ARSG: variants seen among roughly 807,000 people sequenced by gnomAD.
The protein encoded by ARSG is arylsulfatase G.
In ARSG, 37 loss-of-function variants were observed where a neutral mutation model predicts 50.5. The ratio of observed to expected loss-of-function variants is 0.73; its 90% CI spans 0.56 to 0.96. ARSG has a LOEUF of 0.96. ARSG is among the 50% of genes least tolerant of loss of function. ARSG has a pLI of 0.00. For synonymous variants in ARSG, 225 were observed against 254.6 expected, an observed-to-expected ratio of 0.88 and a Z score of 1.11; for missense variants, 629 against 675.3, an observed-to-expected ratio of 0.93 and a Z score of 0.76.
At chr17:68,265,101 C>CCAAGGTT (rs2075130700) in intron 1 of ARSG, among the ~76,000 whole-genome samples, 1 of 144,936 alleles carries the variant, frequency 6.9e-6, no homozygotes, top group South Asian at 2.2e-4. Flanking sequence ...TTGCAGTGAG[C>CCAAGGTT]GGAGATCACG....
chr17:68,344,819 G>A (rs1237849940), intron 3 of ARSG, among the ~76,000 whole-genome samples: 1 of 152,246 alleles, frequency 6.6e-6, no homozygotes, highest in Non-Finnish European at 1.5e-5. Context: ...GCAACCACAA[G>A]CGGGTGGCCC....
At chr17:68,342,236 C>T (rs2078300758) in intron 2 of ARSG, among the ~76,000 whole-genome samples, 1 of 151,936 alleles carries the variant, frequency 6.6e-6, no homozygotes, top group Non-Finnish European at 1.5e-5. Flanking sequence ...TTCCTATGGG[C>T]ATCTGTTCAC....
intron 1 of ARSG, chr17:68,270,781 C>A: frequency 7.0e-7 from 1 of 1,424,704 alleles, no homozygotes; most frequent in Non-Finnish European, 9.5e-7. Flanking sequence ...GAACAGGAAG[C>A]TAGCACAATT....
chr17:68,445,825 C>G, the ARSG span, among the ~76,000 whole-genome samples: 1 of 152,260 alleles, frequency 6.6e-6, no homozygotes, highest in Non-Finnish European at 1.5e-5. Flanking sequence ...ACCACCCCTG[C>G]ACATGCCTGA....
intron 11 of ARSG, among the ~76,000 whole-genome samples, chr17:68,402,785 A>C (rs529972552): frequency 2.0e-5 from 3 of 152,298 alleles, no homozygotes; most frequent in Non-Finnish European, 2.9e-5. Context: ...TCGGCCTCCC[A>C]AAGTGCTGGG....
chr17:68,437,003 A>T, the ARSG span, among the ~76,000 whole-genome samples: 33 of 60,398 alleles, frequency 5.5e-4, no homozygotes, highest in Admixed American at 3.7e-3. Flanking sequence ...CAAAAAAAAA[A>T]AAATATATAT....
At chr17:68,450,847 C>A in the ARSG span, 1 of 1,614,140 alleles carries the variant, frequency 6.2e-7, no homozygotes, top group Non-Finnish European at 8.5e-7. Context: ...ACTACCACCA[C>A]CAGGCTGCTG....
intron 3 of ARSG, 22 bp downstream of exon 3, chr17:68,343,813 C>G: frequency 6.3e-7 from 1 of 1,589,100 alleles, no homozygotes; most frequent in Non-Finnish European, 8.6e-7. Flanking sequence ...CCCCGTCTGC[C>G]TGTTGCATTT....
At chr17:68,406,302 G>A (rs2081715847) in intron 11 of ARSG, among the ~76,000 whole-genome samples, 1 of 152,110 alleles carries the variant, frequency 6.6e-6, no homozygotes, top group African/African-American at 2.4e-5. Flanking sequence ...ATGGACATTT[G>A]GGCTGGTTCC....
intron 7 of ARSG, among the ~76,000 whole-genome samples, chr17:68,369,920 G>A (rs2079741451): frequency 6.6e-6 from 1 of 152,206 alleles, no homozygotes; most frequent in Admixed American, 6.5e-5. Context: ...GGTTGGGGCA[G>A]GAAAAGGCCA....
intron 1 of ARSG, among the ~76,000 whole-genome samples, chr17:68,305,562 T>G (rs2076575220): frequency 6.6e-6 from 1 of 152,182 alleles, no homozygotes. Context: ...GAACATGTCT[T>G]TAGATTTTCT....
chr17:68,335,854 C>G (rs951847567), intron 2 of ARSG, among the ~76,000 whole-genome samples: 1 of 152,170 alleles, frequency 6.6e-6, no homozygotes, highest in African/African-American at 2.4e-5. Context: ...GTGCAGGCAT[C>G]GGGGCAGCAG....
upstream of ARSG, among the ~76,000 whole-genome samples, chr17:68,288,090 G>A (rs1230453125): frequency 4.0e-5 from 6 of 150,550 alleles, no homozygotes; most frequent in South Asian, 2.1e-4. Flanking sequence ...TCTGCCTCCC[G>A]GGTTCAAGCG....
chr17:68,309,911 T>G (rs137892173), intron 2 of ARSG, among the ~76,000 whole-genome samples: 132 of 151,090 alleles, frequency 8.7e-4, no homozygotes, highest in African/African-American at 3.1e-3. Flanking sequence ...GAAAGGGAAA[T>G]AAGAATTATA....
intron 2 of ARSG, among the ~76,000 whole-genome samples, chr17:68,310,933 G>A (rs1427281651): frequency 1.3e-5 from 2 of 152,210 alleles, no homozygotes; most frequent in Non-Finnish European, 2.9e-5. Context: ...GGGTGTGGTG[G>A]CTCACGCCTG....
At chr17:68,394,653 A>G (rs1454337174) in intron 9 of ARSG, among the ~76,000 whole-genome samples, 2 of 151,950 alleles carry the variant, frequency 1.3e-5, no homozygotes, top group African/African-American at 4.8e-5. Flanking sequence ...AAGAATAAAC[A>G]TGTTTGATTT....
downstream of ARSG, chr17:68,426,025 C>T: frequency 1.3e-6 from 2 of 1,508,140 alleles, no homozygotes; most frequent in South Asian, 2.2e-5. Context: ...CGAAGGTTTC[C>T]TTCTAAGCAC....
chr17:68,445,712 T>C, the ARSG span, among the ~76,000 whole-genome samples: 1 of 152,196 alleles, frequency 6.6e-6, no homozygotes, highest in Non-Finnish European at 1.5e-5. Context: ...TTTAAAGGAA[T>C]ATAACGCATA....
At chr17:68,372,947 A>G (rs1190008046) in intron 8 of ARSG, among the ~76,000 whole-genome samples, 3 of 131,560 alleles carry the variant, frequency 2.3e-5, no homozygotes, top group Admixed American at 9.2e-5. Flanking sequence ...GCTGGAGTGC[A>G]GTGGCACGAT....
Sources: gnomAD v4.1 joint callset for allele counts (sites outside exome capture counted in the v4.1 genomes callset) on GRCh38, gnomAD v4.1.1 for gene constraint, MANE v1.5 for transcripts, NCBI Gene and HGNC (gene_info 2026-07-23, HGNC 2026-07-21) for gene names.